PIGK: variants seen among roughly 807,000 people sequenced by gnomAD.
PIGK encodes the protein GPI-anchor transamidase.
Under a neutral mutation model 50.6 loss-of-function variants are expected in PIGK, and 42 were observed. That is an observed-to-expected ratio of 0.83 (90% CI 0.65 to 1.07). The LOEUF is 1.07. Among genes scored for constraint, PIGK ranks in the 50% least tolerant of loss-of-function variants. The pLI is 0.00. For missense variants in PIGK, 448 were observed against 488.7 expected (o/e 0.92, Z 0.78); for synonymous variants, 151 against 156.0 (o/e 0.97, Z 0.24).
chr1:77,125,342 T>C (rs1268907747), intron 9 of PIGK, among the ~76,000 whole-genome samples: 1 of 152,202 alleles, frequency 6.6e-6, no homozygotes, highest in Non-Finnish European at 1.5e-5. Flanking sequence ...AAAATGTTTA[T>C]CAACCAAGGA....
chr1:77,115,977 A>G (rs1653952130), intron 10 of PIGK, among the ~76,000 whole-genome samples: 1 of 152,202 alleles, frequency 6.6e-6, no homozygotes, highest in Admixed American at 6.5e-5. Context: ...AAGATGGTTA[A>G]GAACACAGTG....
At chr1:77,200,585 TGTA>T (rs1329942638) in intron 3 of PIGK, among the ~76,000 whole-genome samples, 4 of 152,170 alleles carry the variant, frequency 2.6e-5, no homozygotes, top group African/African-American at 4.8e-5. Context: ...TGTGCATAAT[TGTA>T]GTAATATCTA....
intron 9 of PIGK, among the ~76,000 whole-genome samples, chr1:77,143,819 T>C (rs1248365034): frequency 6.6e-6 from 1 of 152,066 alleles, no homozygotes; most frequent in Admixed American, 6.6e-5. Flanking sequence ...GCAGAATTGA[T>C]AACCAGCTAA....
rs867239680 is a variant in PIGK, at chr1:77,210,358, T to G, written c.147+78A>C. On this transcript the variant is annotated intron_variant, in intron 2 of 10. Coordinates refer to ENST00000370812, the MANE Select transcript of PIGK (RefSeq NM_005482.3). ...AAATGTAAAAAAATAAATTGTATTT[T>G]CAAAAATTTGATTCACACAAATTTC... 19 of 777,844 alleles carry G rather than the reference T, an allele frequency of 2.4e-5. 1 individual carries two copies. In the South Asian group the frequency reaches 3.4e-4, roughly 14 times the overall value. The allele number at this position is 777,844 out of a possible 1,614,324, so 48.2% of individuals were successfully genotyped here.
chr1:77,216,674 A>G (rs1260069466), intron 1 of PIGK, among the ~76,000 whole-genome samples: 1 of 151,764 alleles, frequency 6.6e-6, no homozygotes, highest in Non-Finnish European at 1.5e-5. Context: ...TCCAAACTCA[A>G]CAGCTGCCTG....
intron 3 of PIGK, among the ~76,000 whole-genome samples, chr1:77,204,183 A>G (rs1361029936): frequency 2.0e-5 from 3 of 152,154 alleles, no homozygotes; most frequent in Admixed American, 2.0e-4. Context: ...CCTGAGAAAG[A>G]GAATGCATTC....
intron 2 of PIGK, 53 bp from the exon 3 acceptor site, chr1:77,206,784 G>A: frequency 9.8e-7 from 1 of 1,021,292 alleles, no homozygotes; most frequent in Non-Finnish European, 1.5e-6. Context: ...TAACCATGGA[G>A]CTGCAGAGTA....
At chr1:77,135,033 C>A (rs1654467958) in intron 9 of PIGK, among the ~76,000 whole-genome samples, 1 of 151,992 alleles carries the variant, frequency 6.6e-6, no homozygotes, top group South Asian at 2.1e-4. Context: ...ACTCTTTTGG[C>A]CTAGTATTGG....
chr1:77,109,110 ATAAC>A (rs1217272689), intron 10 of PIGK, among the ~76,000 whole-genome samples: 3 of 152,194 alleles, frequency 2.0e-5, no homozygotes, highest in Non-Finnish European at 4.4e-5. Context: ...AATTGAGGCA[ATAAC>A]TAATAGCTTA....
chr1:77,109,194 G>A (rs1003818148), intron 10 of PIGK, among the ~76,000 whole-genome samples: 3 of 152,172 alleles, frequency 2.0e-5, no homozygotes, highest in East Asian at 3.8e-4. Context: ...GGAGGAGCTG[G>A]TACCGTTCCT....
At chr1:77,214,570 C>A (rs1196482517) in intron 1 of PIGK, among the ~76,000 whole-genome samples, 1 of 152,122 alleles carries the variant, frequency 6.6e-6, no homozygotes, top group Non-Finnish European at 1.5e-5. Context: ...AAGTTGAAAT[C>A]TTTCCCTTTA....
At chr1:77,206,806 G>T in intron 2 of PIGK, 75 bp from the exon 3 acceptor site, 1 of 849,910 alleles carries the variant, frequency 1.2e-6, no homozygotes. Context: ...TTTTCTTTAA[G>T]TAGGATACAG....
At chr1:77,152,421 T>C (rs1654913889) in intron 9 of PIGK, among the ~76,000 whole-genome samples, 1 of 151,954 alleles carries the variant, frequency 6.6e-6, no homozygotes, top group African/African-American at 2.4e-5. Flanking sequence ...TGGGGAAATG[T>C]TCCAGGACAT....
chr1:77,182,271 G>A lies in PIGK; in HGVS notation c.240-12876C>T, dbSNP rs775119290. ...CTGAGAGTCAACTTGATTAGATTGC[G>A]CAAGGGCAGGAAGCATCCAGCAGGG... On this transcript the variant is annotated intron_variant, in intron 3 of 10. Transcript: ENST00000370812. 1.3e-4 allele frequency among the ~76,000 whole-genome samples: 20 copies of A among 152,130 alleles called. 1 individual carries two copies. Among genetic ancestry groups the A allele is most frequent in the Admixed American group, 4.6e-4 (7 of 15,264 alleles).
intron 10 of PIGK, among the ~76,000 whole-genome samples, chr1:77,112,366 G>C (rs1653872411): frequency 1.3e-5 from 2 of 151,976 alleles, no homozygotes; most frequent in Non-Finnish European, 2.9e-5. Flanking sequence ...ATAGCATGAG[G>C]CTGAAGGGAA....
intron 3 of PIGK, among the ~76,000 whole-genome samples, chr1:77,177,736 C>A (rs2100566667): frequency 6.6e-6 from 1 of 152,236 alleles, no homozygotes; most frequent in Middle Eastern, 3.4e-3. Context: ...CTGGTCTCGG[C>A]ACCCTTCTGT....
At chr1:77,207,762 G>A (rs1656321348) in intron 2 of PIGK, among the ~76,000 whole-genome samples, 1 of 152,110 alleles carries the variant, frequency 6.6e-6, no homozygotes, top group South Asian at 2.1e-4. Context: ...TGTGCCTTTA[G>A]TAGGTATAAT....
At chr1:77,135,791 GAAA>G (rs769891952) in intron 9 of PIGK, among the ~76,000 whole-genome samples, 1 of 127,456 alleles carries the variant, frequency 7.8e-6, no homozygotes, top group African/African-American at 2.9e-5. Flanking sequence ...TTTCCCAAAG[GAAA>G]AAAAAAAAAA....
intron 9 of PIGK, among the ~76,000 whole-genome samples, chr1:77,131,495 T>G (rs913341193): frequency 3.3e-5 from 5 of 152,084 alleles, no homozygotes; most frequent in African/African-American, 1.2e-4. Flanking sequence ...ATCGAAATGC[T>G]TCTATAATTT....
Sources: allele counts gnomAD v4.1 joint callset (sites outside exome capture counted in the v4.1 genomes callset), GRCh38; gene constraint gnomAD v4.1.1; transcripts MANE v1.5; gene names NCBI Gene and HGNC (gene_info 2026-07-23, HGNC 2026-07-21).